SLC26A4: variants seen among roughly 807,000 people sequenced by gnomAD.
SLC26A4 encodes solute carrier family 26 member 4.
SLC26A4 carries 93 observed loss-of-function variants against 90.4 expected under a neutral mutation model. The observed-to-expected ratio is 1.03, with a 90% CI of 0.87 to 1.22. The LOEUF is 1.22. Ranked by LOEUF, SLC26A4 falls within the 50% of genes most tolerant of loss-of-function variation. The pLI is 0.00. For synonymous variants in SLC26A4, 393 were observed against 354.6 expected (o/e 1.11, Z -1.22); for missense variants, 1,127 against 946.2 (o/e 1.19, Z -2.51).
intron 6 of SLC26A4, among the ~76,000 whole-genome samples, chr7:107,680,444 T>C (rs934705996): frequency 1.4e-5 from 2 of 145,344 alleles, no homozygotes; most frequent in African/African-American, 5.0e-5. Flanking sequence ...TATAATCTTT[T>C]ATTATATTAT....
chr7:107,711,354 A>T (rs1792180351), intron 19 of SLC26A4, among the ~76,000 whole-genome samples: 1 of 152,178 alleles, frequency 6.6e-6, no homozygotes, highest in Non-Finnish European at 1.5e-5. Context: ...ACATGAAAGC[A>T]GTTATTTTAT....
At chr7:107,683,875 G>A (rs553589076) in intron 8 of SLC26A4, among the ~76,000 whole-genome samples, 2 of 152,236 alleles carry the variant, frequency 1.3e-5, no homozygotes, top group South Asian at 2.1e-4. Flanking sequence ...CTATTGCACT[G>A]TGAACAATCT....
chr7:107,699,926 T>A (rs1248650184), intron 14 of SLC26A4, among the ~76,000 whole-genome samples, 157 bp from the exon 15 acceptor site: 4 of 50,520 alleles, frequency 7.9e-5, no homozygotes, highest in Admixed American at 2.6e-4. Flanking sequence ...AAACTCCATC[T>A]CAAAAAAAAA....
At chr7:107,686,496 T>C (rs1469849376) in intron 8 of SLC26A4, among the ~76,000 whole-genome samples, 1 of 150,942 alleles carries the variant, frequency 6.6e-6, no homozygotes, top group Non-Finnish European at 1.5e-5. Flanking sequence ...TTTCCTTTCT[T>C]TCCTTTTCTG....
chr7:107,699,528 A>T (rs1262395853), intron 14 of SLC26A4, among the ~76,000 whole-genome samples: 1 of 152,174 alleles, frequency 6.6e-6, no homozygotes, highest in Non-Finnish European at 1.5e-5. Context: ...CTTTTCTGGA[A>T]ATCAGAGGGT....
At chr7:107,663,553 A>G in intron 3 of SLC26A4, 118 bp downstream of exon 3, 2 of 1,107,670 alleles carry the variant, frequency 1.8e-6, no homozygotes, top group Admixed American at 3.6e-5. Flanking sequence ...TCTTTCCTGT[A>G]GAGCCCCTTA....
chr7:107,696,174 GCAGA>G, intron 13 of SLC26A4, 135 bp downstream of exon 13: 1 of 731,450 alleles, frequency 1.4e-6, no homozygotes, highest in Non-Finnish European at 2.5e-6. Context: ...TATGCATTAA[GCAGA>G]CAGTGTTTTA....
At chr7:107,693,691 A>G (rs890934874) in intron 10 of SLC26A4, 1 of 991,486 alleles carries the variant, frequency 1.0e-6, no homozygotes, top group African/African-American at 1.7e-5. Flanking sequence ...TATTTTTGCC[A>G]GCGAAGGTAA....
At chr7:107,663,580 C>G (rs749490260) in intron 3 of SLC26A4, 145 bp downstream of exon 3, 2 of 876,308 alleles carry the variant, frequency 2.3e-6, no homozygotes, top group South Asian at 1.4e-5. Flanking sequence ...AGAGTCACCT[C>G]TCTTCTCCCC....
intron 10 of SLC26A4, among the ~76,000 whole-genome samples, chr7:107,694,080 A>G (rs2129316811): frequency 6.6e-6 from 1 of 152,284 alleles, no homozygotes; most frequent in Non-Finnish European, 1.5e-5. Flanking sequence ...GTAAATAACT[A>G]GAAGCTTGGC....
At chr7:107,691,936 T>C (rs1791588556) in intron 10 of SLC26A4, 1 of 1,287,314 alleles carries the variant, frequency 7.8e-7, no homozygotes, top group African/African-American at 1.5e-5. Flanking sequence ...CAGGAACTTC[T>C]GCTGCTTTCA....
intron 20 of SLC26A4, among the ~76,000 whole-genome samples, chr7:107,714,549 C>G (rs1792288214): frequency 6.6e-6 from 1 of 152,078 alleles, no homozygotes; most frequent in Non-Finnish European, 1.5e-5. Flanking sequence ...TATAGGGTGC[C>G]TTAGTTTGAG....
At position 107,663,624 on chromosome 7, in the gene SLC26A4, C is replaced by G. The variant is rs546990702; in HGVS notation, c.304+189C>G. The stretch of plus-strand genomic sequence containing the variant: ...AGTTCTCTTCCTGGGAAACTGCTGC[C>G]CCACTAGGTGCAGAGGTCCAATTTA... On this transcript the variant is annotated intron_variant, in intron 3 of 20. Transcript: ENST00000644269. 8.5e-5 allele frequency among the ~76,000 whole-genome samples: 13 copies of G among 152,214 alleles called. No individual in the cohort carries two copies. The East Asian group carries it at 2.5e-3, about 29-fold the overall frequency.
intron 17 of SLC26A4, among the ~76,000 whole-genome samples, chr7:107,702,725 C>G (rs1791931631): frequency 6.6e-6 from 1 of 150,796 alleles, no homozygotes; most frequent in Non-Finnish European, 1.5e-5. Context: ...CAAAGATACT[C>G]CCCAGCAAAT....
chr7:107,698,876 T>G (rs551820125), intron 14 of SLC26A4, among the ~76,000 whole-genome samples: 2 of 152,124 alleles, frequency 1.3e-5, no homozygotes, highest in Admixed American at 1.3e-4. Context: ...AAACATCCCA[T>G]TGATGGACTT....
chr7:107,683,287 C>G lies in SLC26A4; in HGVS notation c.851C>G (p.Ala284Gly), dbSNP rs1791300676. 1.2e-6 allele frequency: 2 copies of G among 1,613,156 alleles called. No individual in the cohort carries two copies. The highest frequency in any genetic ancestry group is 1.7e-6 in the Non-Finnish European group (2 of 1,179,450). Reference protein sequence around the residue: ...AGLLTIVVCMAVKELNDRFRH... With the variant: ...AGLLTIVVCMGVKELNDRFRH... ...TTGCTCACCATTGTCGTCTGTATGG[C>G]AGTTAAGGAATTAAATGATCGGTTT... is the stretch of plus-strand genomic sequence containing the variant. Residue 284 changes from alanine (A) to glycine (G), a missense_variant, in exon 7 of 21, where the codon GCA becomes GGA. Transcript: ENST00000644269.
At chr7:107,713,989 A>G (rs1205034778) in intron 20 of SLC26A4, among the ~76,000 whole-genome samples, 1 of 152,082 alleles carries the variant, frequency 6.6e-6, no homozygotes, top group Non-Finnish European at 1.5e-5. Context: ...ATCTCAGCTC[A>G]CTGCAATCCC....
chr7:107,676,226 T>TA (rs1791020576), intron 6 of SLC26A4, among the ~76,000 whole-genome samples: 1 of 152,234 alleles, frequency 6.6e-6, no homozygotes, highest in Admixed American at 6.5e-5. Context: ...ATTGGATTGT[T>TA]AAATAAGAAT....
intron 6 of SLC26A4, among the ~76,000 whole-genome samples, chr7:107,675,691 A>G (rs1320023699): frequency 6.6e-6 from 1 of 150,518 alleles, no homozygotes; most frequent in Non-Finnish European, 1.5e-5. Context: ...CTCCTGCCTC[A>G]GCCTCCTGAG....
Sources: allele counts gnomAD v4.1 joint callset (sites outside exome capture counted in the v4.1 genomes callset), GRCh38; gene constraint gnomAD v4.1.1; transcripts MANE v1.5; gene names NCBI Gene and HGNC (gene_info 2026-07-23, HGNC 2026-07-21).